The following CPM variants were observed in gnomAD, a reference collection of about 807,000 sequenced individuals.
CPM encodes carboxypeptidase M.
A neutral mutation model predicts 46.4 loss-of-function variants in CPM; 35 were observed. The ratio of observed to expected loss-of-function variants is 0.75; its 90% confidence interval spans 0.58 to 1.00. CPM has a LOEUF of 1.00. CPM is among the 50% of genes least tolerant of loss of function. The pLI is 0.00. For synonymous variants in CPM, 195 were observed against 195.3 expected, an observed-to-expected ratio of 1.00 and a Z score of 0.01; for missense variants, 422 against 530.4, an observed-to-expected ratio of 0.80 and a Z score of 2.01.
At chr12:68,898,018 ATTT>A (rs34852745) in intron 2 of CPM, among the ~76,000 whole-genome samples, 1 of 134,090 alleles carries the variant, frequency 7.5e-6, no homozygotes, top group African/African-American at 2.8e-5. Flanking sequence ...TAATTTGTGT[ATTT>A]TTTTTTTTTT....
chr12:68,891,234 C>T (rs1173868484), intron 2 of CPM, among the ~76,000 whole-genome samples: 3 of 152,192 alleles, frequency 2.0e-5, no homozygotes, highest in East Asian at 1.9e-4. Context: ...ACATATGGCA[C>T]GCAAAGCCCA....
chr12:68,908,845 C>T (rs964432280), intron 2 of CPM, among the ~76,000 whole-genome samples: 1 of 152,012 alleles, frequency 6.6e-6, no homozygotes, highest in African/African-American at 2.4e-5. Context: ...AGACAAGCCA[C>T]AGAAGAGGTG....
chr12:68,940,466 T>C (rs1179582854), intron 1 of CPM, among the ~76,000 whole-genome samples: 1 of 149,752 alleles, frequency 6.7e-6, no homozygotes, highest in Admixed American at 6.8e-5. Flanking sequence ...CCCAGATTTA[T>C]ATTTGTAGTC....
In CPM at chr12:68,856,297, A is replaced by T; in HGVS notation, c.*140T>A. 2.1e-6 allele frequency: 2 copies of T among 957,974 alleles called. No individual in the cohort carries two copies. The highest frequency in any genetic ancestry group is 1.7e-5 in the South Asian group (1 of 59,768). 59.3% of individuals were successfully genotyped at this position (957,974 alleles called of 1,614,324 possible). On this transcript the variant is annotated 3_prime_UTR_variant, in exon 9 of 9. Coordinates refer to ENST00000551568, the MANE Select transcript of CPM (RefSeq NM_198320.5). The stretch of plus-strand genomic sequence containing the variant: ...ACATATTGCTTATTGTGGAATTTGG[A>T]AACATCCATTTCTCTTCTTCAGGAA...
chr12:68,874,675 G>A (rs779803786), intron 3 of CPM, among the ~76,000 whole-genome samples: 1 of 152,240 alleles, frequency 6.6e-6, no homozygotes, highest in Non-Finnish European at 1.5e-5. Context: ...AAGGGTTTGG[G>A]GAGGAATAGG....
In CPM at chr12:68,856,149, A is replaced by G. The variant is rs899271070; in HGVS notation, c.*288T>C. 1.2e-5 allele frequency: 4 copies of G among 345,208 alleles called. No individual in the cohort carries two copies. The highest frequency in any genetic ancestry group is 8.2e-5 in the African/African-American group (4 of 48,616). 21.4% of individuals were successfully genotyped at this position (345,208 alleles called of 1,614,324 possible). On this transcript the variant is annotated 3_prime_UTR_variant, in exon 9 of 9. Transcript: ENST00000551568. The stretch of plus-strand genomic sequence containing the variant: ...TTTGCAGGCATTTTTTTGCTTCTCA[A>G]GTTTTAACTTCTTACACATTTTAAG...
rs1415056896 is a variant in CPM at position 68,842,636 on chromosome 12, G to A, written c.534-307C>T. The stretch of plus-strand genomic sequence containing the variant: ...GGACATAAAATAGTTACGCTATTTG[G>A]TTAATGGTACTAGACAACATGTAAT... On this transcript the variant is annotated intron_variant, in intron 5 of 5. Transcript: ENST00000551897. 7 of 284,778 alleles carry A rather than the reference G, an allele frequency of 2.5e-5. No individual in the cohort carries two copies. The Admixed American group carries it at 3.2e-4, about 13-fold the overall frequency. 17.6% of individuals were successfully genotyped at this position (284,778 alleles called of 1,614,324 possible). A position where few individuals can be genotyped will look rare whatever the true frequency, so the allele number is the denominator to read the frequency against.
At chr12:68,960,785 AG>A (rs781141170) in intron 1 of CPM, among the ~76,000 whole-genome samples, 1 of 152,224 alleles carries the variant, frequency 6.6e-6, no homozygotes, top group Non-Finnish European at 1.5e-5. Context: ...AAGCCCAGAA[AG>A]CTGACCCTGC....
In CPM at chr12:68,943,443, A is replaced by G. The variant is rs1888795544; in HGVS notation, c.-3-10603T>C. Among the ~76,000 whole-genome samples, 3 of 152,232 alleles carry G rather than the reference A, an allele frequency of 2.0e-5. No individual in the cohort carries two copies. In the South Asian group the frequency reaches 6.2e-4, roughly 31 times the overall value. ...TGAACAAGACAGAAAGGGATACAAC[A>G]GATAGTATATGTTTATATTTATCTT... On this transcript the variant is annotated intron_variant, in intron 1 of 8. Coordinates refer to the CPM transcript ENST00000546373.
chr12:68,863,974 T>C (rs528951729), intron 7 of CPM, among the ~76,000 whole-genome samples: 1 of 152,318 alleles, frequency 6.6e-6, no homozygotes, highest in African/African-American at 2.4e-5. Flanking sequence ...ACCTTTCTAT[T>C]AAGTAGTAAT....
chr12:68,912,973 T>C (rs574739085), intron 2 of CPM, among the ~76,000 whole-genome samples: 1 of 152,316 alleles, frequency 6.6e-6, no homozygotes, highest in African/African-American at 2.4e-5. Context: ...CTGATGTAGT[T>C]ACTTGCATGA....
rs764264061 is a variant in CPM, at chr12:68,859,109, T to C, written c.941-38A>G. ...AATAAAATTAAATATTAATACCATA[T>C]TTTATGGCATATAAAAATTATTATA... On this transcript the variant is annotated intron_variant, in intron 7 of 8. Coordinates refer to ENST00000551568, the MANE Select transcript of CPM (RefSeq NM_198320.5). 18 of 1,143,202 alleles carry C rather than the reference T, an allele frequency of 1.6e-5. No individual in the cohort carries two copies. In the Admixed American group the frequency reaches 4.7e-4, roughly 30 times the overall value. 70.8% of individuals were successfully genotyped at this position (1,143,202 alleles called of 1,614,324 possible).
chr12:68,894,266 AG>A (rs1482881855), intron 2 of CPM, among the ~76,000 whole-genome samples: 1 of 152,210 alleles, frequency 6.6e-6, no homozygotes, highest in Non-Finnish European at 1.5e-5. Flanking sequence ...CATTTTGTTT[AG>A]GTTGCTGGTT....
chr12:68,847,214 T>TATATATATATATATATATA (rs1884378595), downstream of CPM: 1 of 52,580 alleles, frequency 1.9e-5, no homozygotes, highest in African/African-American at 1.6e-4. Context: ...ATATATATAC[T>TATATATATATATATATATA]TTTTTTAGAG....
rs1344930683 is a variant in CPM at position 68,853,551 on chromosome 12, G to C, written c.*2886C>G. The C allele has an allele frequency of 6.6e-6, 1 of 152,080 alleles. No individual in the cohort carries two copies. Among genetic ancestry groups the C allele is most frequent in the Non-Finnish European group, 1.5e-5 (1 of 68,028 alleles). 9.4% of individuals were successfully genotyped at this position (152,080 alleles called of 1,614,324 possible). Reference sequence around the variant, plus strand: ...TAGAAATGGCCTAAATGCTCCTGTAGCTCTTCATTCCTTTGTCGTTCTCAC... The same window carrying C: ...TAGAAATGGCCTAAATGCTCCTGTACCTCTTCATTCCTTTGTCGTTCTCAC... On this transcript the variant is annotated 3_prime_UTR_variant, in exon 9 of 9. Coordinates refer to ENST00000551568, the MANE Select transcript of CPM (RefSeq NM_198320.5).
At chr12:68,876,849 AC>A (rs1444441035) in intron 3 of CPM, among the ~76,000 whole-genome samples, 1 of 151,432 alleles carries the variant, frequency 6.6e-6, no homozygotes, top group Non-Finnish European at 1.5e-5. Context: ...ACAATCTACA[AC>A]CCAGGCAGTG....
Position 68,871,802 on chromosome 12 carries a change from C to T in CPM, c.413G>A (p.Cys138Tyr), listed in dbSNP as rs1421739313. The T allele has an allele frequency of 1.2e-6, 2 of 1,614,006 alleles. No individual in the cohort carries two copies. The highest frequency in any genetic ancestry group is 1.7e-6 in the Non-Finnish European group (2 of 1,180,022). Residue 138 changes from cysteine to tyrosine, a missense_variant, in exon 4 of 9, where the codon TGT (cysteine) becomes TAT (tyrosine). Cys to Tyr is a radical substitution (Grantham distance 194, BLOSUM62 -2). Coordinates refer to ENST00000551568, the MANE Select transcript of CPM (RefSeq NM_198320.5). ...DGFEAVKKPD[C>Y]YYSIGRENYN... The stretch of plus-strand genomic sequence containing the variant: ...TCTTTACCTTCCGATGCTGTAATAA[C>T]AGTCAGGCTTTTTGACGGCTTCAAA...
chr12:68,907,818 GTTATTTAT>G (rs528453019), intron 2 of CPM, among the ~76,000 whole-genome samples: 1 of 151,548 alleles, frequency 6.6e-6, no homozygotes, highest in Non-Finnish European at 1.5e-5. Flanking sequence ...GGCTGGGTTG[GTTATTTAT>G]TTATTTATTT....
intron 3 of CPM, among the ~76,000 whole-genome samples, chr12:68,879,401 T>C (rs1555195056): frequency 6.6e-6 from 1 of 152,124 alleles, no homozygotes; most frequent in Non-Finnish European, 1.5e-5. Flanking sequence ...TCTTGCTTTG[T>C]CACCCAGGCT....
Sources: allele counts gnomAD v4.1 joint callset (sites outside exome capture counted in the v4.1 genomes callset), GRCh38; gene constraint gnomAD v4.1.1; transcripts MANE v1.5; gene names NCBI Gene and HGNC (gene_info 2026-07-23, HGNC 2026-07-21).